The following GTF2IRD1 variants were observed in gnomAD, a reference collection of about 807,000 sequenced individuals.
The protein encoded by GTF2IRD1 is GTF2I repeat domain containing 1.
A neutral mutation model predicts 113.2 loss-of-function variants in GTF2IRD1; 26 were observed. The observed-to-expected ratio is 0.23, with a 90% CI of 0.17 to 0.32. GTF2IRD1 has a LOEUF of 0.32. Ranked by LOEUF, GTF2IRD1 falls within the 10% of genes least tolerant of loss-of-function variation. The probability of loss-of-function intolerance (pLI) is 1.00; values close to 1 mark genes in which losing one functional copy is unlikely to be tolerated. For missense variants in GTF2IRD1, 864 were observed against 1,280.8 expected (o/e 0.67, Z 4.97); for synonymous variants, 484 against 529.1 (o/e 0.91, Z 1.17).
At position 74,547,279 on chromosome 7, in the gene GTF2IRD1, A is replaced by G. The variant is rs1798998727; in HGVS notation, c.1909A>G (p.Ile637Val). The change falls in exon 17 of 27, where the codon ATC (isoleucine) becomes GTC (valine). Residue 637 changes from isoleucine to valine, a missense_variant. By Grantham distance (29) the Ile-to-Val change is conservative. This residue lies in a region of GTF2IRD1 where 195 missense variants were observed against 359.1 expected (regional missense o/e 0.54). Transcript: ENST00000424337. ...GGCCAGCAACAGCATCCAGTTTGTC[A>G]TCAAGAGGTAAGGCCCAACCAGGTC... ...LEASNSIQFV[I>V]KRPELLTEGV... 6.2e-7 allele frequency: 1 copy of G among 1,608,094 alleles called. No individual in the cohort carries two copies. Among genetic ancestry groups the G allele is most frequent in the Admixed American group, 1.7e-5 (1 of 59,584 alleles).
intron 1 of GTF2IRD1, among the ~76,000 whole-genome samples, chr7:74,481,769 TA>T (rs1355887506): frequency 3.3e-4 from 50 of 152,350 alleles, no homozygotes; most frequent in African/African-American, 1.2e-3. Context: ...TCTTTGCATG[TA>T]AATCTTTGCA....
intron 22 of GTF2IRD1, 28 bp from the exon 23 acceptor site, chr7:74,589,823 C>T: frequency 6.7e-7 from 1 of 1,497,048 alleles, no homozygotes; most frequent in Non-Finnish European, 9.3e-7. Flanking sequence ...GGTGCCAACT[C>T]TCATGCCCCC....
At chr7:74,557,306 GC>G (rs1326891640) in intron 19 of GTF2IRD1, among the ~76,000 whole-genome samples, 1 of 152,098 alleles carries the variant, frequency 6.6e-6, no homozygotes, top group Non-Finnish European at 1.5e-5. Context: ...ACTTCATGAA[GC>G]CCCCGCCCCC....
intron 22 of GTF2IRD1, among the ~76,000 whole-genome samples, chr7:74,587,717 T>A (rs1801797573): frequency 1.3e-5 from 2 of 152,016 alleles, no homozygotes; most frequent in Admixed American, 6.6e-5. Context: ...GCTGCAGAGC[T>A]CTGCCCCAGA....
At chr7:74,519,292 C>T (rs1222813926) in intron 5 of GTF2IRD1, 117 bp from the exon 6 acceptor site, 1 of 651,306 alleles carries the variant, frequency 1.5e-6, no homozygotes, top group Non-Finnish European at 2.5e-6. Context: ...CCTGTCCTGC[C>T]CTCCTCATGG....
chr7:74,579,326 A>T (rs181450270), intron 22 of GTF2IRD1, among the ~76,000 whole-genome samples: 74 of 152,234 alleles, frequency 4.9e-4, no homozygotes, highest in African/African-American at 1.8e-3. Context: ...TTGAAAAGGA[A>T]GAGGAAGAAG....
chr7:74,464,967 C>G (rs1166348429), intron 1 of GTF2IRD1, among the ~76,000 whole-genome samples: 3 of 152,160 alleles, frequency 2.0e-5, no homozygotes, highest in Non-Finnish European at 4.4e-5. Context: ...CCCTTGGGTG[C>G]TCCTGGGTGG....
intron 8 of GTF2IRD1, among the ~76,000 whole-genome samples, chr7:74,528,924 C>T (rs868980553): frequency 1.2e-4 from 11 of 95,054 alleles, no homozygotes; most frequent in Admixed American, 2.1e-4. Flanking sequence ...GATGGATGGA[C>T]GGACAACCGG....
intron 8 of GTF2IRD1, 71 bp from the exon 9 acceptor site, chr7:74,529,663 C>G (rs587617168): frequency 7.3e-7 from 1 of 1,368,388 alleles, no homozygotes; most frequent in Admixed American, 1.9e-5. Context: ...TGATGGGGAC[C>G]GCAGCTCCCG....
At chr7:74,503,871 T>C (rs1311661071) in intron 1 of GTF2IRD1, among the ~76,000 whole-genome samples, 1 of 152,216 alleles carries the variant, frequency 6.6e-6, no homozygotes, top group Non-Finnish European at 1.5e-5. Context: ...GCAGTGAGCA[T>C]AGCACCCAAT....
chr7:74,490,708 T>G (rs1795292637), intron 1 of GTF2IRD1, among the ~76,000 whole-genome samples: 1 of 152,016 alleles, frequency 6.6e-6, no homozygotes, highest in African/African-American at 2.4e-5. Flanking sequence ...GTATTTTTTT[T>G]TTTCTCCATC....
rs111817089 is a variant in GTF2IRD1 at position 74,553,701 on chromosome 7, C to G, written c.1917-1473C>G. Among the ~76,000 whole-genome samples the G allele has an allele frequency of 2.4e-4, 37 of 152,302 alleles. 1 individual carries two copies. The highest frequency in any genetic ancestry group is 7.9e-4 in the African/African-American group (33 of 41,560). On this transcript the variant is annotated intron_variant, in intron 17 of 26. Coordinates refer to ENST00000424337, the MANE Select transcript of GTF2IRD1 (RefSeq NM_005685.4). Reference sequence around the variant, plus strand: ...TCTGGTGGGTTTGAGGCCAGCTCCTCCTGTTACTCCCTGTGGCCTTGGCAG... The same window carrying G: ...TCTGGTGGGTTTGAGGCCAGCTCCTGCTGTTACTCCCTGTGGCCTTGGCAG...
At chr7:74,534,531 G>C (rs1798167445) in intron 9 of GTF2IRD1, among the ~76,000 whole-genome samples, 1 of 152,228 alleles carries the variant, frequency 6.6e-6, no homozygotes, top group African/African-American at 2.4e-5. Context: ...GAACCCGGGA[G>C]GCGGAGGTTC....
chr7:74,575,072 A>G (rs1340190735), intron 22 of GTF2IRD1, among the ~76,000 whole-genome samples: 2 of 148,744 alleles, frequency 1.3e-5, no homozygotes, highest in South Asian at 2.2e-4. Flanking sequence ...CTTGGGCAAC[A>G]AGAGCGAAAC....
In GTF2IRD1 at chr7:74,521,207, G is replaced by A; in HGVS notation, c.917-1G>A. 6.3e-7 allele frequency: 1 copy of A among 1,585,824 alleles called. No individual in the cohort carries two copies. The highest frequency in any genetic ancestry group is 1.7e-5 in the Admixed American group (1 of 59,964). On this transcript the variant is annotated splice_acceptor_variant, in intron 6 of 26. Transcript: ENST00000424337. LOFTEE classifies it high-confidence loss of function. ...CCTTCTTCCTTCTCTCCCTTGTCCAGGACAGAAGCCCACTGGGCCTGGTGG... is the reference window on the plus strand; with the variant it reads ...CCTTCTTCCTTCTCTCCCTTGTCCAAGACAGAAGCCCACTGGGCCTGGTGG...
At chr7:74,602,304 A>AT in intron 26 of GTF2IRD1, 61 bp from the exon 27 acceptor site, 1 of 1,573,894 alleles carries the variant, frequency 6.4e-7, no homozygotes, top group South Asian at 1.2e-5. Flanking sequence ...AGAACTAAGC[A>AT]TTTTGGGTTT....
chr7:74,480,725 G>A (rs914876631), intron 1 of GTF2IRD1, among the ~76,000 whole-genome samples: 3 of 152,188 alleles, frequency 2.0e-5, no homozygotes, highest in African/African-American at 4.8e-5. Flanking sequence ...GGGGCGGCCT[G>A]GACCCCGCAT....
chr7:74,566,342 T>A (rs1800315089), intron 22 of GTF2IRD1, among the ~76,000 whole-genome samples: 1 of 151,702 alleles, frequency 6.6e-6, no homozygotes, highest in East Asian at 1.9e-4. Context: ...CACCTAACAC[T>A]CACGTCACAC....
chr7:74,529,149 G>A (rs1436919724), intron 8 of GTF2IRD1, among the ~76,000 whole-genome samples: 4 of 152,102 alleles, frequency 2.6e-5, no homozygotes, highest in Non-Finnish European at 5.9e-5. Flanking sequence ...GGCAGGGGTA[G>A]GGGGAGCACA....
Sources: allele counts gnomAD v4.1 joint callset (sites outside exome capture counted in the v4.1 genomes callset), GRCh38; gene constraint gnomAD v4.1.1; regional missense constraint gnomAD v4.1.1; transcripts MANE v1.5; gene names NCBI Gene and HGNC (gene_info 2026-07-23, HGNC 2026-07-21).